RHNO1: variants seen among roughly 807,000 people sequenced by gnomAD.
RHNO1 encodes RAD9-HUS1-RAD1 interacting nuclear orphan 1.
A neutral mutation model predicts 7.2 loss-of-function variants in RHNO1; 9 were observed. The ratio of observed to expected loss-of-function variants is 1.25; its 90% CI spans 0.75 to 2.18. The LOEUF (loss-of-function observed/expected upper bound fraction) is 2.18. RHNO1 is among the 30% of genes most tolerant of loss of function. RHNO1 has a pLI of 0.00. For synonymous variants in RHNO1, 95 were observed against 107.5 expected (o/e 0.88, Z 0.72); for missense variants, 292 against 284.5 (o/e 1.03, Z -0.19).
At chr12:2,886,790 C>T (rs1199919528) in intron 2 of RHNO1, among the ~76,000 whole-genome samples, 3 of 152,060 alleles carry the variant, frequency 2.0e-5, no homozygotes, top group African/African-American at 4.8e-5. Context: ...GTAACTTATT[C>T]AGGACTGCTT....
chr12:2,885,549 T>A lies in RHNO1; in HGVS notation c.168+15T>A. ...TCACTTCCTGGGTAGGCCCATGGGA[T>A]TACTATTTGACATTTTTTTTTTTTT... On this transcript the variant is annotated intron_variant, in intron 2 of 2. Transcript: ENST00000489288. The A allele has an allele frequency of 7.3e-7, 1 of 1,375,840 alleles. No individual in the cohort carries two copies. Among genetic ancestry groups the A allele is most frequent in the South Asian group, 1.3e-5 (1 of 78,484 alleles). 85.2% of individuals were successfully genotyped at this position (1,375,840 alleles called of 1,614,324 possible). A position where few individuals can be genotyped will look rare whatever the true frequency, so the allele number is the denominator to read the frequency against.
intron 1 of RHNO1, chr12:2,878,087 A>C (rs1448408974): frequency 3.3e-5 from 5 of 152,226 alleles, no homozygotes; most frequent in Admixed American, 2.0e-4. Flanking sequence ...TGGAAGGATC[A>C]CCTGAGGCCG....
chr12:2,881,677 C>T (rs942286394), intron 1 of RHNO1, among the ~76,000 whole-genome samples: 23 of 151,750 alleles, frequency 1.5e-4, no homozygotes, highest in African/African-American at 2.7e-4. Context: ...GAGGCCGAGG[C>T]GGGTGGATCA....
intron 2 of RHNO1, among the ~76,000 whole-genome samples, chr12:2,886,655 C>CA (rs11441422): frequency 0.089 from 8,476 of 95,142 alleles, 447 homozygotes; most frequent in Middle Eastern, 0.14. Flanking sequence ...GACCCTGTCT[C>CA]AAAAAAAAAA....
rs2098161542 is a variant in RHNO1, at chr12:2,883,511, A to ATATATATATAT, written c.-84-1771_-84-1770insATATATATATT. ...TATATATATATATATATATATATAT[A>ATATATATATAT]TTTTTTTTTTTTTTTTTTTTTTTGA... On this transcript the variant is annotated intron_variant, in intron 1 of 2. Coordinates refer to ENST00000489288, the MANE Select transcript of RHNO1 (RefSeq NM_001252499.3). 1.3e-3 allele frequency among the ~76,000 whole-genome samples: 36 copies of ATATATATATAT among 26,804 alleles called. 1 individual carries two copies. Among genetic ancestry groups the ATATATATATAT allele is most frequent in the Admixed American group, 1.7e-3 (3 of 1,718 alleles). The allele number at this position is 26,804 out of a possible 152,430, so 17.6% of individuals were successfully genotyped here.
In RHNO1 at chr12:2,885,411, G is replaced by T. The variant is rs150099344; in HGVS notation, c.45G>T (p.Pro15=). The change falls in exon 2 of 3, where the codon CCG becomes CCT. Residue 15 remains proline (P), a synonymous_variant. Coordinates refer to ENST00000489288, the MANE Select transcript of RHNO1 (RefSeq NM_001252499.3). The stretch of plus-strand genomic sequence containing the variant: ...GCCGCCAGCCTTCCCAGAAAGCCCC[G>T]CTGCTGTTCCACCAACAACCACTGG... ...KKRRQPSQKA[P]LLFHQQPLEG... is the part of the protein sequence containing the mutation. The T allele has an allele frequency of 1.5e-5, 24 of 1,613,626 alleles. 1 individual carries two copies. The South Asian group carries it at 2.6e-4, about 18-fold the overall frequency.
intron 2 of RHNO1, chr12:2,886,245 T>G (rs1363824846): frequency 6.6e-6 from 1 of 152,224 alleles, no homozygotes; most frequent in Non-Finnish European, 1.5e-5. Context: ...CTCAACTTCA[T>G]GTGAAAGGTG....
chr12:2,882,060 C>T (rs1255446323), intron 1 of RHNO1, among the ~76,000 whole-genome samples: 1 of 151,750 alleles, frequency 6.6e-6, no homozygotes, highest in Non-Finnish European at 1.5e-5. Flanking sequence ...TTGTGTCTTT[C>T]CAGCATGCTC....
At chr12:2,883,199 CG>C (rs1304269061) in intron 1 of RHNO1, among the ~76,000 whole-genome samples, 3 of 150,478 alleles carry the variant, frequency 2.0e-5, no homozygotes, top group East Asian at 3.9e-4. Flanking sequence ...GGCAATACAA[CG>C]AAACCCTATT....
At chr12:2,884,170 C>G in intron 1 of RHNO1, among the ~76,000 whole-genome samples, 1 of 152,056 alleles carries the variant, frequency 6.6e-6, no homozygotes, top group East Asian at 1.9e-4. Flanking sequence ...AAGCGATTCT[C>G]CTGCCTCAGT....
intron 2 of RHNO1, chr12:2,886,863 T>G: frequency 2.4e-6 from 1 of 423,146 alleles, no homozygotes; most frequent in South Asian, 1.6e-5. Context: ...ATCCTGTGGA[T>G]GAGAGTAGGA....
At chr12:2,886,714 C>T (rs2098166040) in intron 2 of RHNO1, among the ~76,000 whole-genome samples, 1 of 146,100 alleles carries the variant, frequency 6.8e-6, no homozygotes, top group African/African-American at 2.5e-5. Flanking sequence ...TACTATACAA[C>T]AGGAAAGTAG....
At chr12:2,886,958 G>A in intron 2 of RHNO1, 1 of 455,960 alleles carries the variant, frequency 2.2e-6, no homozygotes. Context: ...TTCATTAACT[G>A]AGGGCCTTCT....
chr12:2,878,832 A>G (rs1299776826), intron 1 of RHNO1, among the ~76,000 whole-genome samples: 1 of 151,936 alleles, frequency 6.6e-6, no homozygotes, highest in Non-Finnish European at 1.5e-5. Context: ...TGCATAACTG[A>G]AGGAATAATG....
At position 2,888,271 on chromosome 12, in the gene RHNO1, A is replaced by G. The variant is rs1167747243; in HGVS notation, c.529A>G (p.Asn177Asp). 1.2e-6 allele frequency: 2 copies of G among 1,614,148 alleles called. No individual in the cohort carries two copies. Among genetic ancestry groups the G allele is most frequent in the South Asian group, 1.1e-5 (1 of 91,074 alleles). Residue 177 changes from asparagine to aspartate, a missense_variant, in exon 3 of 3, where the codon AAC (asparagine) becomes GAC (aspartate). Asn to Asp is a conservative substitution (Grantham distance 23). Coordinates refer to ENST00000489288, the MANE Select transcript of RHNO1 (RefSeq NM_001252499.3). ...EELIPQDQKE[N>D]SLLSCTLHTG... Reference sequence around the variant, plus strand: ...ACTCATTCCCCAAGATCAGAAGGAAAACAGCCTTCTAAGCTGCACTCTTCA... The same window carrying G: ...ACTCATTCCCCAAGATCAGAAGGAAGACAGCCTTCTAAGCTGCACTCTTCA...
Position 2,887,977 on chromosome 12 carries a change from G to A in RHNO1, c.235G>A (p.Ala79Thr). The A allele has an allele frequency of 6.2e-7, 1 of 1,613,544 alleles. No homozygotes were observed. The highest frequency in any genetic ancestry group is 1.3e-5 in the African/African-American group (1 of 74,880). ...FPAYQKHQNR[A>T]RHSSRKPTTS... The stretch of plus-strand genomic sequence containing the variant: ...AGCCTACCAGAAACACCAAAACCGG[G>A]CGAGACACTCAAGTCGAAAACCTAC... Residue 79 changes from alanine (A) to threonine (T), a missense_variant, in exon 3 of 3, where the codon GCG becomes ACG. By Grantham distance (58) the Ala-to-Thr change is moderately conservative (BLOSUM62 0). Coordinates refer to ENST00000489288, the MANE Select transcript of RHNO1 (RefSeq NM_001252499.3).
rs1430856668 is a variant in RHNO1 at position 2,885,468 on chromosome 12, G to A, written c.102G>A (p.Gln34=). ...EGPKHSCAST[Q]LPITHTRQVP... The stretch of plus-strand genomic sequence containing the variant: ...CCAAACACAGCTGTGCATCTACACA[G>A]CTTCCCATCACTCACACTCGACAGG... Residue 34 remains glutamine (Q), a synonymous_variant, in exon 2 of 3, where the codon CAG becomes CAA. Transcript: ENST00000489288. 2 of 1,612,480 alleles carry A rather than the reference G, an allele frequency of 1.2e-6. No homozygotes were observed. The highest frequency in any genetic ancestry group is 1.7e-6 in the Non-Finnish European group (2 of 1,179,766).
Position 2,879,775 on chromosome 12 carries a change from A to G in RHNO1, c.-85+2493A>G, listed in dbSNP as rs755745916. ...TACTTCTAGGTGGATACTGAAATAC[A>G]GGCAGATGAGTTTGCCTAAGAAAAG... On this transcript the variant is annotated intron_variant, in intron 1 of 2. Transcript: ENST00000489288. Among the ~76,000 whole-genome samples the G allele has an allele frequency of 1.3e-4, 20 of 152,046 alleles. 1 individual carries two copies. The highest frequency in any genetic ancestry group is 2.6e-4 in the Admixed American group (4 of 15,258).
At chr12:2,876,746 A>G (rs886746202), upstream of RHNO1, among the ~76,000 whole-genome samples, 4 of 152,190 alleles carry the variant, frequency 2.6e-5, no homozygotes, top group Non-Finnish European at 5.9e-5. Flanking sequence ...GGCCACGGCC[A>G]GGAGGTGGAC....
Sources: allele counts gnomAD v4.1 joint callset (sites outside exome capture counted in the v4.1 genomes callset), GRCh38; gene constraint gnomAD v4.1.1; transcripts MANE v1.5; gene names NCBI Gene and HGNC (gene_info 2026-07-23, HGNC 2026-07-21).